PELI2: variants seen among roughly 807,000 people sequenced by gnomAD.
The protein encoded by PELI2 is E3 ubiquitin-protein ligase pellino homolog 2.
In PELI2, 23 loss-of-function variants were observed where a neutral mutation model predicts 42.3. The observed-to-expected ratio is 0.54, with a 90% confidence interval of 0.39 to 0.77. The LOEUF (loss-of-function observed/expected upper bound fraction) is 0.77. Among genes scored for constraint, PELI2 ranks in the 30% least tolerant of loss-of-function variants. The pLI is 0.00. For synonymous variants in PELI2, 245 were observed against 212.2 expected, an observed-to-expected ratio of 1.15 and a Z score of -1.34; for missense variants, 463 against 553.2, an observed-to-expected ratio of 0.84 and a Z score of 1.64.
Position 56,222,975 on chromosome 14 carries a change from C to CA in PELI2, c.207+44514dup, listed in dbSNP as rs779899606. Among the ~76,000 whole-genome samples the CA allele has an allele frequency of 3.4e-4, 51 of 152,122 alleles. 1 individual carries two copies. Among genetic ancestry groups the CA allele is most frequent in the Non-Finnish European group, 6.6e-4 (45 of 68,024 alleles). On this transcript the variant is annotated intron_variant, in intron 2 of 5. Transcript: ENST00000267460. ...CGTACAGGACAAAATGATACCTTGG[C>CA]AAATGGTGAACAATCGAGGACATTA...
intron 5 of PELI2, 80 bp from the exon 6 acceptor site, chr14:56,296,520 G>A (rs1890007717): frequency 2.1e-6 from 2 of 938,632 alleles, no homozygotes; most frequent in Non-Finnish European, 3.3e-6. Flanking sequence ...ATATTTTTTT[G>A]CTTGTTCTGA....
At chr14:56,176,487 A>G (rs1277340125) in intron 1 of PELI2, among the ~76,000 whole-genome samples, 1 of 152,184 alleles carries the variant, frequency 6.6e-6, no homozygotes, top group Non-Finnish European at 1.5e-5. Flanking sequence ...TGCAGTTAAC[A>G]TAGCATTTTC....
At chr14:56,283,782 A>T (rs1241447002) in intron 3 of PELI2, among the ~76,000 whole-genome samples, 1 of 152,202 alleles carries the variant, frequency 6.6e-6, no homozygotes, top group Non-Finnish European at 1.5e-5. Context: ...AAGAATTCAC[A>T]TGTTTCTTAA....
chr14:56,245,226 C>CA (rs1888108744), intron 2 of PELI2, among the ~76,000 whole-genome samples: 3 of 152,116 alleles, frequency 2.0e-5, no homozygotes, highest in Admixed American at 6.5e-5. Context: ...CAAAACACTG[C>CA]AACAGTTACC....
chr14:56,255,966 T>C (rs938328943), intron 2 of PELI2, among the ~76,000 whole-genome samples: 2 of 152,190 alleles, frequency 1.3e-5, no homozygotes, highest in African/African-American at 2.4e-5. Context: ...AGCTCAACTT[T>C]ACAGGGTGCT....
chr14:56,190,808 T>C (rs1250706215), intron 2 of PELI2, among the ~76,000 whole-genome samples: 2 of 152,248 alleles, frequency 1.3e-5, no homozygotes, highest in Non-Finnish European at 2.9e-5. Flanking sequence ...ATTAAAGGTA[T>C]TTTAACTTAG....
intron 2 of PELI2, among the ~76,000 whole-genome samples, chr14:56,217,720 C>T (rs1886960854): frequency 6.6e-6 from 1 of 152,218 alleles, no homozygotes. Context: ...TTCTTATTTT[C>T]TAACCTTTGG....
intron 5 of PELI2, chr14:56,292,846 T>A: frequency 1.1e-6 from 1 of 946,944 alleles, no homozygotes; most frequent in Middle Eastern, 5.5e-4. Flanking sequence ...CCTCCTTTTT[T>A]AGCTAGTTAA....
intron 2 of PELI2, among the ~76,000 whole-genome samples, chr14:56,233,152 T>C (rs1887647632): frequency 6.6e-6 from 1 of 152,126 alleles, no homozygotes; most frequent in Non-Finnish European, 1.5e-5. Context: ...ATAGGAAGAA[T>C]CAATATCGTG....
chr14:56,255,535 A>G (rs1888497385), intron 2 of PELI2, among the ~76,000 whole-genome samples: 3 of 152,150 alleles, frequency 2.0e-5, no homozygotes, highest in African/African-American at 2.4e-5. Context: ...CCTAATGTAG[A>G]TGACAGGTTG....
At chr14:56,120,604 G>A (rs374017930) in intron 1 of PELI2, among the ~76,000 whole-genome samples, 17 of 152,328 alleles carry the variant, frequency 1.1e-4, no homozygotes, top group Middle Eastern at 3.4e-3. Flanking sequence ...ACACTCAACC[G>A]TCGTTTGTGT....
chr14:56,223,725 T>C (rs1368127535), intron 2 of PELI2, among the ~76,000 whole-genome samples: 1 of 152,224 alleles, frequency 6.6e-6, no homozygotes, highest in Non-Finnish European at 1.5e-5. Context: ...AATGCAGATT[T>C]CAATACTGTG....
chr14:56,181,853 TGTGTG>T (rs1450869569), intron 2 of PELI2, among the ~76,000 whole-genome samples: 1 of 116,200 alleles, frequency 8.6e-6, no homozygotes, highest in Non-Finnish European at 2.1e-5. Flanking sequence ...TGTGTGTGTG[TGTGTG>T]TGTGTGTGTG....
chr14:56,121,061 A>C (rs758436564), intron 1 of PELI2, among the ~76,000 whole-genome samples: 8 of 152,198 alleles, frequency 5.3e-5, no homozygotes, highest in Non-Finnish European at 7.3e-5. Flanking sequence ...TTAAAACAAC[A>C]ATAACATTCA....
chr14:56,177,709 A>G (rs1434181381), intron 1 of PELI2, among the ~76,000 whole-genome samples: 1 of 152,212 alleles, frequency 6.6e-6, no homozygotes, highest in Non-Finnish European at 1.5e-5. Flanking sequence ...ACTAAAACTC[A>G]TGTGTATATT....
intron 2 of PELI2, among the ~76,000 whole-genome samples, chr14:56,230,960 A>G (rs1412209649): frequency 6.6e-6 from 1 of 152,220 alleles, no homozygotes; most frequent in East Asian, 1.9e-4. Flanking sequence ...TTGCAATCCT[A>G]GTCTCTGATA....
intron 1 of PELI2, among the ~76,000 whole-genome samples, chr14:56,141,987 G>T (rs1360476274): frequency 6.6e-6 from 1 of 152,198 alleles, no homozygotes; most frequent in Non-Finnish European, 1.5e-5. Context: ...TATCAGTGTA[G>T]TTCTGATCTT....
At chr14:56,296,576 G>A (rs371146149) in intron 5 of PELI2, 24 bp from the exon 6 acceptor site, 39 of 1,503,594 alleles carry the variant, frequency 2.6e-5, no homozygotes, top group Non-Finnish European at 3.4e-5. Flanking sequence ...CTTTTAAAAG[G>A]CATGTGTCTC....
chr14:56,253,699 G>A (rs1462863080), intron 2 of PELI2, among the ~76,000 whole-genome samples: 2 of 152,128 alleles, frequency 1.3e-5, no homozygotes, highest in African/African-American at 4.8e-5. Context: ...GGAAATAAGA[G>A]CGGACACAAG....
Sources: gnomAD v4.1 joint callset for allele counts (sites outside exome capture counted in the v4.1 genomes callset) on GRCh38, gnomAD v4.1.1 for gene constraint, MANE v1.5 for transcripts, NCBI Gene and HGNC (gene_info 2026-07-23, HGNC 2026-07-21) for gene names.